Variants in CFAP299 observed in about 807,000 individuals in gnomAD.
CFAP299 encodes cilia- and flagella-associated protein 299.
A neutral mutation model predicts 27.0 loss-of-function variants in CFAP299; 21 were observed. The observed-to-expected ratio is 0.78, with a 90% CI of 0.55 to 1.12. The LOEUF (loss-of-function observed/expected upper bound fraction) is 1.12, where lower values mean the gene tolerates loss of function less well. CFAP299 is among the 50% of genes most tolerant of loss of function. The pLI, the probability that CFAP299 is intolerant of heterozygous loss-of-function variation, is 0.00. For synonymous variants in CFAP299, 104 were observed against 98.1 expected, an observed-to-expected ratio of 1.06 and a Z score of -0.36; for missense variants, 310 against 276.6, an observed-to-expected ratio of 1.12 and a Z score of -0.86.
chr4:80,538,171 C>G (rs1018996777), intron 2 of CFAP299, among the ~76,000 whole-genome samples: 2 of 151,944 alleles, frequency 1.3e-5, no homozygotes, highest in Admixed American at 1.3e-4. Flanking sequence ...GTAGGTGTAA[C>G]AAACCTGCAT....
intron 3 of CFAP299, among the ~76,000 whole-genome samples, chr4:80,843,114 G>A (rs1014191905): frequency 2.0e-5 from 3 of 151,358 alleles, no homozygotes; most frequent in South Asian, 2.1e-4. Context: ...AAGTTCTAGG[G>A]TACATGTGCA....
intron 3 of CFAP299, among the ~76,000 whole-genome samples, chr4:80,814,318 G>C (rs1280030012): frequency 3.3e-5 from 5 of 152,046 alleles, no homozygotes; most frequent in African/African-American, 1.2e-4. Context: ...GCACGTGCCT[G>C]TTTTCATGCT....
At chr4:80,414,032 C>T (rs1037804810) in intron 2 of CFAP299, among the ~76,000 whole-genome samples, 3 of 149,684 alleles carry the variant, frequency 2.0e-5, no homozygotes, top group Non-Finnish European at 4.4e-5. Flanking sequence ...GGAGCCAGGT[C>T]TGAAAGGCAT....
intron 3 of CFAP299, chr4:80,649,039 G>C (rs959364464): frequency 6.6e-6 from 1 of 152,086 alleles, no homozygotes; most frequent in Non-Finnish European, 1.5e-5. Context: ...TAGAAAGTGC[G>C]GTTTAAACTG....
intron 3 of CFAP299, among the ~76,000 whole-genome samples, chr4:80,790,713 A>T (rs1426989105): frequency 3.9e-5 from 6 of 152,080 alleles, no homozygotes; most frequent in Admixed American, 3.3e-4. Flanking sequence ...TGTGTTGTTT[A>T]TAAGCCATCC....
intron 4 of CFAP299, among the ~76,000 whole-genome samples, chr4:80,943,307 A>G (rs1342711697): frequency 1.3e-5 from 2 of 152,208 alleles, no homozygotes. Context: ...GATCTATACA[A>G]TCAATCATTT....
chr4:80,434,914 T>C (rs1219733523), intron 2 of CFAP299, among the ~76,000 whole-genome samples: 5 of 152,186 alleles, frequency 3.3e-5, no homozygotes, highest in African/African-American at 1.2e-4. Flanking sequence ...TTAGGGAAAA[T>C]CACAGGAAAG....
intron 3 of CFAP299, among the ~76,000 whole-genome samples, chr4:80,786,659 T>A (rs944262521): frequency 6.6e-6 from 1 of 152,078 alleles, no homozygotes; most frequent in East Asian, 1.9e-4. Flanking sequence ...TATGATACAT[T>A]TTGACAGCTG....
chr4:80,562,113 C>T (rs1349498961), intron 2 of CFAP299, among the ~76,000 whole-genome samples: 1 of 151,944 alleles, frequency 6.6e-6, no homozygotes, highest in Non-Finnish European at 1.5e-5. Flanking sequence ...TTGCAAGCCT[C>T]ATAGTAACCT....
chr4:80,698,270 AATT>A (rs1721239379), intron 3 of CFAP299, among the ~76,000 whole-genome samples: 4 of 152,194 alleles, frequency 2.6e-5, no homozygotes, highest in Non-Finnish European at 5.9e-5. Context: ...AGTACCCCAA[AATT>A]AGTAGTTGTT....
chr4:80,866,902 T>G (rs1172985038), intron 3 of CFAP299, among the ~76,000 whole-genome samples: 1 of 152,212 alleles, frequency 6.6e-6, no homozygotes, highest in Admixed American at 6.5e-5. Flanking sequence ...TTTTAGATTA[T>G]CAGTCATTTT....
chr4:80,541,100 A>G (rs1733974985), intron 2 of CFAP299, among the ~76,000 whole-genome samples: 1 of 151,398 alleles, frequency 6.6e-6, no homozygotes, highest in Admixed American at 6.6e-5. Context: ...TCGTTTTACA[A>G]GAAATATAAT....
At chr4:80,480,400 G>T (rs1307285620) in intron 2 of CFAP299, among the ~76,000 whole-genome samples, 1 of 151,806 alleles carries the variant, frequency 6.6e-6, no homozygotes, top group Non-Finnish European at 1.5e-5. Context: ...AGGAAGCAAA[G>T]CAAATAAAAT....
intron 4 of CFAP299, among the ~76,000 whole-genome samples, chr4:80,909,385 G>A (rs1488279947): frequency 6.6e-6 from 1 of 151,784 alleles, no homozygotes; most frequent in Non-Finnish European, 1.5e-5. Flanking sequence ...TAATGACAAT[G>A]TAAATAATAA....
chr4:80,800,706 G>T (rs1728524288), intron 3 of CFAP299, among the ~76,000 whole-genome samples: 1 of 108,992 alleles, frequency 9.2e-6, no homozygotes, highest in African/African-American at 3.7e-5. Context: ...TTATATATGA[G>T]TTTTTATGTA....
intron 3 of CFAP299, among the ~76,000 whole-genome samples, chr4:80,588,521 A>T (rs1421821834): frequency 6.6e-6 from 1 of 151,022 alleles, no homozygotes; most frequent in Non-Finnish European, 1.5e-5. Context: ...TACATACCTG[A>T]CATGAAACAT....
chr4:80,711,559 T>TA (rs1246043903), intron 3 of CFAP299, among the ~76,000 whole-genome samples: 1 of 152,060 alleles, frequency 6.6e-6, no homozygotes, highest in Non-Finnish European at 1.5e-5. Context: ...TAGATAACAT[T>TA]ATATTTATTT....
In CFAP299 at chr4:80,791,839, G is replaced by T. The variant is rs545051910; in HGVS notation, c.334-78154G>T. On this transcript the variant is annotated intron_variant, in intron 3 of 5. Transcript: ENST00000358105. ...TCCCTCACAGAATGACATATTGACAGATATATATATATATACATATATATA... is the reference window on the plus strand; with the variant it reads ...TCCCTCACAGAATGACATATTGACATATATATATATATATACATATATATA... Among the ~76,000 whole-genome samples the T allele has an allele frequency of 4.2e-3, 623 of 149,508 alleles. 1 individual carries two copies. The highest frequency in any genetic ancestry group is 0.014 in the African/African-American group (582 of 40,846).
chr4:80,888,891 T>A (rs1560463955), intron 4 of CFAP299, among the ~76,000 whole-genome samples: 2 of 150,570 alleles, frequency 1.3e-5, no homozygotes, highest in East Asian at 3.9e-4. Flanking sequence ...AGTGAAATAA[T>A]TAAGAAGGAA....
Sources: gnomAD v4.1 joint callset for allele counts (sites outside exome capture counted in the v4.1 genomes callset) on GRCh38, gnomAD v4.1.1 for gene constraint, MANE v1.5 for transcripts, NCBI Gene and HGNC (gene_info 2026-07-23, HGNC 2026-07-21) for gene names.